FBXL17: variants seen among roughly 807,000 people sequenced by gnomAD.
FBXL17 encodes the protein F-box/LRR-repeat protein 17.
In FBXL17, 22 loss-of-function variants were observed where a neutral mutation model predicts 66.2. The observed-to-expected ratio is 0.33, with a 90% CI of 0.24 to 0.47. The LOEUF (loss-of-function observed/expected upper bound fraction) is 0.47, where lower values mean the gene tolerates loss of function less well. Among genes scored for constraint, FBXL17 ranks in the 20% least tolerant of loss-of-function variants. FBXL17 has a pLI of 1.00. For missense variants in FBXL17, 878 were observed against 948.2 expected (o/e 0.93, Z 0.97); for synonymous variants, 474 against 400.5 (o/e 1.18, Z -2.19).
chr5:108,139,704 C>A (rs936298841), intron 6 of FBXL17, among the ~76,000 whole-genome samples: 1 of 152,198 alleles, frequency 6.6e-6, no homozygotes, highest in African/African-American at 2.4e-5. Context: ...AGCCTGCATT[C>A]TCTCAGCTTC....
chr5:108,275,286 C>A (rs1438466109), intron 4 of FBXL17, among the ~76,000 whole-genome samples: 2 of 152,102 alleles, frequency 1.3e-5, no homozygotes, highest in African/African-American at 4.8e-5. Flanking sequence ...GGTCAAAGAG[C>A]TAGTTAAGAT....
chr5:107,948,905 G>C (rs191937518), intron 7 of FBXL17, among the ~76,000 whole-genome samples: 3 of 152,148 alleles, frequency 2.0e-5, no homozygotes, highest in Non-Finnish European at 2.9e-5. Flanking sequence ...TACAGACAGA[G>C]CATTCGCTCT....
intron 4 of FBXL17, among the ~76,000 whole-genome samples, chr5:108,224,678 G>A (rs970513532): frequency 8.6e-5 from 13 of 151,988 alleles, no homozygotes; most frequent in African/African-American, 2.2e-4. Flanking sequence ...TGCAACCTCC[G>A]CCTCCCAGGT....
At chr5:108,214,495 G>A (rs975260569) in intron 5 of FBXL17, among the ~76,000 whole-genome samples, 2 of 151,596 alleles carry the variant, frequency 1.3e-5, no homozygotes, top group Non-Finnish European at 2.9e-5. Context: ...AGCCTCCCGA[G>A]TAACTGGGAC....
intron 5 of FBXL17, among the ~76,000 whole-genome samples, chr5:108,204,769 T>A (rs1176770108): frequency 6.6e-6 from 1 of 152,140 alleles, no homozygotes; most frequent in Non-Finnish European, 1.5e-5. Flanking sequence ...TTTTATCATG[T>A]TAGACTAACA....
chr5:108,095,701 A>G (rs1303375660), intron 6 of FBXL17, among the ~76,000 whole-genome samples: 1 of 152,130 alleles, frequency 6.6e-6, no homozygotes. Flanking sequence ...GAGACAATAA[A>G]TGGCAAATTT....
intron 4 of FBXL17, among the ~76,000 whole-genome samples, chr5:108,242,806 A>C (rs1580679193): frequency 6.6e-6 from 1 of 152,286 alleles, no homozygotes; most frequent in South Asian, 2.1e-4. Context: ...CATAACCATA[A>C]TACCATTATT....
chr5:108,381,508 AG>A lies in FBXL17; in HGVS notation c.183del (p.Cys62AlafsTer296). 1 of 1,398,924 alleles carries A rather than the reference AG, an allele frequency of 7.1e-7. No homozygotes were observed. The highest frequency in any genetic ancestry group is 9.2e-7 in the Non-Finnish European group (1 of 1,086,850). 86.7% of individuals were successfully genotyped at this position (1,398,924 alleles called of 1,614,324 possible). Reference protein sequence around the residue: ...RDCFFRGPCMLCFIVHSPGAP... With the variant: ...RDCFFRGPCMXCFIVHSPGAP... The stretch of plus-strand genomic sequence containing the variant: ...GCGCCGGGACTGTGCACGATGAAGC[AG>A]AGCATGCAGGGCCCGCGGAAGAAGC... On this transcript the variant is annotated frameshift_variant, in exon 1 of 9. Transcript: ENST00000542267. LOFTEE classifies it high-confidence loss of function.
intron 4 of FBXL17, among the ~76,000 whole-genome samples, chr5:108,311,480 T>C (rs1488801404): frequency 1.3e-5 from 2 of 152,120 alleles, no homozygotes; most frequent in Admixed American, 6.5e-5. Context: ...CCTTCTTACA[T>C]ACTTTTTATC....
At chr5:108,332,941 CAAAAAAAAAAA>C (rs34218940) in intron 4 of FBXL17, among the ~76,000 whole-genome samples, 5 of 34,764 alleles carry the variant, frequency 1.4e-4, no homozygotes, top group Admixed American at 4.4e-4. Context: ...AAAGCAAAAG[CAAAAAAAAAAA>C]AAAAAAAAAA....
intron 6 of FBXL17, among the ~76,000 whole-genome samples, chr5:108,151,268 A>G (rs551377501): frequency 2.6e-5 from 4 of 152,324 alleles, no homozygotes; most frequent in South Asian, 2.1e-4. Context: ...AAAGAAAGAA[A>G]AAAGTCATCC....
At chr5:108,149,277 T>C (rs748566961) in intron 6 of FBXL17, among the ~76,000 whole-genome samples, 12 of 152,268 alleles carry the variant, frequency 7.9e-5, no homozygotes, top group Non-Finnish European at 1.5e-4. Context: ...GCCTTAATTA[T>C]GTAAGGAGAA....
intron 4 of FBXL17, chr5:108,297,923 A>C (rs1489396828): frequency 1.0e-6 from 1 of 968,072 alleles, no homozygotes; most frequent in Non-Finnish European, 1.2e-6. Context: ...ATATATCTTC[A>C]AAAATTTACA....
chr5:108,178,772 A>G (rs1387427593), intron 6 of FBXL17, among the ~76,000 whole-genome samples: 1 of 152,224 alleles, frequency 6.6e-6, no homozygotes, highest in African/African-American at 2.4e-5. Flanking sequence ...AACAGTCAGC[A>G]TTATTTTTGC....
chr5:107,880,251 G>T (rs1748742733), intron 8 of FBXL17: 1 of 489,006 alleles, frequency 2.0e-6, no homozygotes, highest in East Asian at 1.5e-4. Flanking sequence ...TTTGTTGGGG[G>T]AGAGGGGGAT....
intron 6 of FBXL17, among the ~76,000 whole-genome samples, chr5:108,160,749 T>G (rs1057008530): frequency 6.6e-6 from 1 of 152,274 alleles, no homozygotes; most frequent in East Asian, 1.9e-4. Flanking sequence ...GAGAGAAGTT[T>G]ACTCTCAAAG....
intron 4 of FBXL17, among the ~76,000 whole-genome samples, chr5:108,345,409 T>A (rs1747207908): frequency 6.6e-6 from 1 of 151,810 alleles, no homozygotes; most frequent in African/African-American, 2.4e-5. Context: ...AACTCATTTA[T>A]GGCAAATCAT....
chr5:108,195,656 C>T (rs867045828), intron 5 of FBXL17, among the ~76,000 whole-genome samples: 15 of 152,098 alleles, frequency 9.9e-5, no homozygotes, highest in African/African-American at 3.1e-4. Context: ...GAATTCAGAA[C>T]ATAGATCCAA....
rs558200675 is a variant in FBXL17, at chr5:108,277,270, C to G, written c.1507-53042G>C. Among the ~76,000 whole-genome samples, 6 of 152,182 alleles carry G rather than the reference C, an allele frequency of 3.9e-5. No homozygotes were observed. In the South Asian group the frequency reaches 1.2e-3, roughly 32 times the overall value. On this transcript the variant is annotated intron_variant, in intron 4 of 8. Transcript: ENST00000542267. ...TAGCAGTTCACCATATTTCTCCTCC[C>G]AAACTCGTGAACCAAGAGAAAATAA... is the stretch of plus-strand genomic sequence containing the variant.
Sources: gnomAD v4.1 joint callset for allele counts (sites outside exome capture counted in the v4.1 genomes callset) on GRCh38, gnomAD v4.1.1 for gene constraint, MANE v1.5 for transcripts, NCBI Gene and HGNC (gene_info 2026-07-23, HGNC 2026-07-21) for gene names.